GTF2H3: variants seen among roughly 807,000 people sequenced by gnomAD.
GTF2H3 encodes the protein general transcription factor IIH subunit 3.
Under a neutral mutation model 51.1 loss-of-function variants are expected in GTF2H3, and 42 were observed. The observed-to-expected ratio is 0.82, with a 90% CI of 0.64 to 1.06. The LOEUF (loss-of-function observed/expected upper bound fraction) is 1.06, where lower values mean the gene tolerates loss of function less well. Among genes scored for constraint, GTF2H3 ranks in the 50% least tolerant of loss-of-function variants. The pLI is 0.00. For synonymous variants in GTF2H3, 123 were observed against 123.8 expected (o/e 0.99, Z 0.04); for missense variants, 326 against 366.1 (o/e 0.89, Z 0.89).
chr12:123,645,472 C>G lies in GTF2H3; in HGVS notation c.111C>G (p.Cys37Trp). ...TCCAACAGTTCACTTTATCCAAATG[C>G]ATAGATGCCGTGATGGTGCTGGGAA... Reference protein sequence around the residue: ...LKESQFTLSKCIDAVMVLGNS... With the variant: ...LKESQFTLSKWIDAVMVLGNS... The change falls in exon 3 of 13, where the codon TGC becomes TGG. Residue 37 changes from cysteine (C) to tryptophan (W), a missense_variant. Transcript: ENST00000543341. 2 of 1,593,882 alleles carry G rather than the reference C, an allele frequency of 1.3e-6. No individual in the cohort carries two copies.
chr12:123,644,115 C>T (rs11572947), intron 2 of GTF2H3, among the ~76,000 whole-genome samples: 94 of 152,170 alleles, frequency 6.2e-4, no homozygotes, highest in African/African-American at 2.0e-3. Flanking sequence ...TGAGCCACCA[C>T]GCCCAGCCAC....
chr12:123,641,837 A>G (rs1363257531), intron 2 of GTF2H3, among the ~76,000 whole-genome samples: 2 of 151,834 alleles, frequency 1.3e-5, no homozygotes, highest in Non-Finnish European at 2.9e-5. Context: ...TCTTCTGTAT[A>G]TTTTTAGTTT....
Position 123,651,251 on chromosome 12 carries a change from C to T in GTF2H3, c.427+195C>T, listed in dbSNP as rs573864034. 3.3e-5 allele frequency: 14 copies of T among 428,792 alleles called. No homozygotes were observed. The South Asian group carries it at 3.7e-4, about 11-fold the overall frequency. 26.6% of individuals were successfully genotyped at this position (428,792 alleles called of 1,614,324 possible). A position where few individuals can be genotyped will look rare whatever the true frequency, so the allele number is the denominator to read the frequency against. ...TTTTTGAGACAGTCTCACTCTGTCG[C>T]CCAAGTTGGAGTGCAGTGGCACAAT... On this transcript the variant is annotated intron_variant, in intron 5 of 12. Coordinates refer to ENST00000543341, the MANE Select transcript of GTF2H3 (RefSeq NM_001516.5).
Position 123,633,845 on chromosome 12 carries a change from G to T in GTF2H3, c.-15G>T. 1 of 1,612,948 alleles carries T rather than the reference G, an allele frequency of 6.2e-7. No homozygotes were observed. Among genetic ancestry groups the T allele is most frequent in the African/African-American group, 1.3e-5 (1 of 74,944 alleles). ...CTGACCACCACTTGCTCTGCGCTGA[G>T]GTGCTGGGACAGCCATGGTTTCAGA... On this transcript the variant is annotated 5_prime_UTR_variant, in exon 1 of 13. It adds an upstream start codon to the 5' untranslated region. Coordinates refer to ENST00000543341, the MANE Select transcript of GTF2H3 (RefSeq NM_001516.5).
In GTF2H3 at chr12:123,655,784, A is replaced by T; in HGVS notation, c.575A>T (p.Asp192Val). ...TGTTTCTTTTAGAATATTTTGATTG[A>T]TGCCTGTGTTTTAGACTCCGACTCA... Reference protein sequence around the residue: ...FAAQKQNILIDACVLDSDSGL... With the variant: ...FAAQKQNILIVACVLDSDSGL... The change falls in exon 9 of 13, where the codon GAT (aspartate) becomes GTT (valine). Residue 192 changes from aspartate (D) to valine (V), a missense_variant. Asp to Val is a radical substitution (Grantham distance 152). Coordinates refer to ENST00000543341, the MANE Select transcript of GTF2H3 (RefSeq NM_001516.5). 1 of 1,586,818 alleles carries T rather than the reference A, an allele frequency of 6.3e-7. No individual in the cohort carries two copies. The highest frequency in any genetic ancestry group is 8.7e-7 in the Non-Finnish European group (1 of 1,155,924).
In GTF2H3 at chr12:123,660,267, G is replaced by A; in HGVS notation, c.*32G>A. ...AATATTTTCCCCATCTTTTAGAGCT[G>A]TTAATAGAAATTATATAGCAGATTC... On this transcript the variant is annotated 3_prime_UTR_variant, in exon 13 of 13. Coordinates refer to ENST00000543341, the MANE Select transcript of GTF2H3 (RefSeq NM_001516.5). The A allele has an allele frequency of 4.0e-6, 6 of 1,488,152 alleles. No individual in the cohort carries two copies. The highest frequency in any genetic ancestry group is 5.6e-6 in the Non-Finnish European group (6 of 1,080,340). 92.2% of individuals were successfully genotyped at this position (1,488,152 alleles called of 1,614,324 possible).
chr12:123,652,622 A>G, intron 6 of GTF2H3, 61 bp downstream of exon 6: 1 of 1,511,232 alleles, frequency 6.6e-7, no homozygotes, highest in Non-Finnish European at 9.0e-7. Flanking sequence ...GTATTTCTTT[A>G]CTAGACTGTT....
intron 9 of GTF2H3, 86 bp from the exon 10 acceptor site, chr12:123,659,430 G>T (rs769919689): frequency 4.4e-6 from 4 of 914,426 alleles, no homozygotes; most frequent in Non-Finnish European, 5.5e-6. Flanking sequence ...GATTTTGTAG[G>T]CCCAAGGCAT....
chr12:123,657,385 G>A (rs1955600091), intron 9 of GTF2H3, among the ~76,000 whole-genome samples: 1 of 152,236 alleles, frequency 6.6e-6, no homozygotes, highest in East Asian at 1.9e-4. Context: ...TCCCTCTTCA[G>A]TCCGGCCCCA....
At chr12:123,641,342 C>T (rs1365698884) in intron 2 of GTF2H3, among the ~76,000 whole-genome samples, 1 of 151,702 alleles carries the variant, frequency 6.6e-6, no homozygotes, top group Non-Finnish European at 1.5e-5. Flanking sequence ...TCTTCTGCCT[C>T]AGTCTCCCAA....
intron 1 of GTF2H3, among the ~76,000 whole-genome samples, chr12:123,637,363 C>G (rs1955299897): frequency 6.6e-6 from 1 of 151,842 alleles, no homozygotes; most frequent in Admixed American, 6.6e-5. Context: ...TTGAGACCCC[C>G]CCATCTCTTA....
At chr12:123,639,535 C>A (rs1364877718) in intron 2 of GTF2H3, among the ~76,000 whole-genome samples, 192 bp downstream of exon 2, 2 of 152,102 alleles carry the variant, frequency 1.3e-5, no homozygotes, top group African/African-American at 4.8e-5. Flanking sequence ...TAGAATATTT[C>A]TTTGACTGCG....
At position 123,643,169 on chromosome 12, in the gene GTF2H3, C is replaced by T. The variant is rs530438108; in HGVS notation, c.94-2286C>T. Among the ~76,000 whole-genome samples, 18 of 152,302 alleles carry T rather than the reference C, an allele frequency of 1.2e-4. No individual in the cohort carries two copies. The East Asian group carries it at 3.1e-3, about 26-fold the overall frequency. On this transcript the variant is annotated intron_variant, in intron 2 of 12. Transcript: ENST00000543341. ...CTGGGATTACAGGTGTGAGCTACTACGCCCGGCCCAACCATACTCATTTTT... is the reference window on the plus strand; with the variant it reads ...CTGGGATTACAGGTGTGAGCTACTATGCCCGGCCCAACCATACTCATTTTT...
At position 123,660,435 on chromosome 12, in the gene GTF2H3, A is replaced by G; in HGVS notation, c.*200A>G. 1 of 449,090 alleles carries G rather than the reference A, an allele frequency of 2.2e-6. No individual in the cohort carries two copies. The highest frequency in any genetic ancestry group is 3.9e-6 in the Non-Finnish European group (1 of 255,240). 27.8% of individuals were successfully genotyped at this position (449,090 alleles called of 1,614,324 possible). A position where few individuals can be genotyped will look rare whatever the true frequency, so the allele number is the denominator to read the frequency against. On this transcript the variant is annotated 3_prime_UTR_variant, in exon 13 of 13. Coordinates refer to ENST00000543341, the MANE Select transcript of GTF2H3 (RefSeq NM_001516.5). Reference sequence around the variant, plus strand: ...GTTTGAGGGAATCATTCTATGCATTATATCCTAAAATATTCTATGACTGGT... The same window carrying G: ...GTTTGAGGGAATCATTCTATGCATTGTATCCTAAAATATTCTATGACTGGT...
chr12:123,660,130 G>C, intron 12 of GTF2H3, 36 bp from the exon 13 acceptor site: 1 of 1,607,944 alleles, frequency 6.2e-7, no homozygotes, highest in Non-Finnish European at 8.5e-7. Context: ...CACAGCTCTA[G>C]AACATTAAAA....
intron 9 of GTF2H3, among the ~76,000 whole-genome samples, chr12:123,657,498 C>A (rs751657589): frequency 9.2e-5 from 14 of 152,230 alleles, no homozygotes; most frequent in Non-Finnish European, 2.1e-4. Flanking sequence ...GTTTGCATGG[C>A]CTACTCCCTG....
intron 1 of GTF2H3, among the ~76,000 whole-genome samples, chr12:123,635,140 T>C (rs974325710): frequency 3.9e-5 from 6 of 152,180 alleles, no homozygotes; most frequent in Non-Finnish European, 7.3e-5. Flanking sequence ...ACAGGGTCAT[T>C]GCATGTGTAT....
chr12:123,634,404 T>G (rs1369580748), intron 1 of GTF2H3, among the ~76,000 whole-genome samples: 1 of 152,122 alleles, frequency 6.6e-6, no homozygotes, highest in Non-Finnish European at 1.5e-5. Flanking sequence ...ATGGCAGTAC[T>G]GCACCCAGCA....
chr12:123,648,803 T>C (rs1395090787), intron 4 of GTF2H3, among the ~76,000 whole-genome samples: 1 of 152,160 alleles, frequency 6.6e-6, no homozygotes, highest in East Asian at 1.9e-4. Context: ...CTCCTTATTG[T>C]CATCTTTTTA....
Sources: gnomAD v4.1 joint callset for allele counts (sites outside exome capture counted in the v4.1 genomes callset) on GRCh38, gnomAD v4.1.1 for gene constraint, MANE v1.5 for transcripts, NCBI Gene and HGNC (gene_info 2026-07-23, HGNC 2026-07-21) for gene names.